PHF6: variants seen among roughly 807,000 people sequenced by gnomAD.
PHF6 encodes the protein PHD-like zinc finger protein.
A neutral mutation model predicts 34.0 loss-of-function variants in PHF6; 7 were observed. The observed-to-expected ratio is 0.21, with a 90% CI of 0.12 to 0.39. The LOEUF (loss-of-function observed/expected upper bound fraction) is 0.39. PHF6 is among the 10% of genes least tolerant of loss of function. PHF6 has a pLI of 1.00. For synonymous variants in PHF6, 89 were observed against 88.4 expected (o/e 1.01, Z -0.04); for missense variants, 128 against 262.8 (o/e 0.49, Z 3.55).
chrX:134,401,069 A>T (rs1463156614), intron 5 of PHF6, among the ~76,000 whole-genome samples: 2 of 111,698 alleles, frequency 1.8e-5, no homozygotes, highest in Middle Eastern at 4.2e-3. Flanking sequence ...CCAGAGTGTG[A>T]CATAGGGATG....
chrX:134,399,562 A>T (rs2077392759), intron 5 of PHF6, among the ~76,000 whole-genome samples: 1 of 110,127 alleles, frequency 9.1e-6, no homozygotes, highest in Non-Finnish European at 1.9e-5. Context: ...TAATTAATAG[A>T]CTTTATTTTT....
intron 3 of PHF6, among the ~76,000 whole-genome samples, chrX:134,391,269 C>T (rs1018972734): frequency 3.6e-5 from 4 of 111,421 alleles, no homozygotes; most frequent in Non-Finnish European, 5.7e-5. Flanking sequence ...CTGCTGTACC[C>T]GGACCTAAAT....
chrX:134,402,777 G>A (rs1001786599), intron 5 of PHF6, among the ~76,000 whole-genome samples: 2 of 112,154 alleles, frequency 1.8e-5, no homozygotes, highest in Non-Finnish European at 3.8e-5. Flanking sequence ...GACAGGATAT[G>A]CTCACTTTGT....
At chrX:134,393,365 C>A in intron 3 of PHF6, 136 bp from the exon 4 acceptor site, 2 of 634,446 alleles carry the variant, frequency 3.2e-6, no homozygotes, top group Non-Finnish European at 4.9e-6. Flanking sequence ...GGAGAGAAAA[C>A]AAGAAAAGTA....
At chrX:134,377,202 T>C (rs771166732) in intron 1 of PHF6, among the ~76,000 whole-genome samples, 1 of 112,158 alleles carries the variant, frequency 8.9e-6, no homozygotes, top group Non-Finnish European at 1.9e-5. Context: ...TTGATTTTTC[T>C]CAATTACTCT....
chrX:134,401,099 A>T (rs1333646702), intron 5 of PHF6, among the ~76,000 whole-genome samples: 1 of 111,618 alleles, frequency 9.0e-6, no homozygotes, highest in Non-Finnish European at 1.9e-5. Flanking sequence ...GAACCATTTT[A>T]TGTGATTATA....
intron 3 of PHF6, among the ~76,000 whole-genome samples, chrX:134,383,352 A>T (rs184130172): frequency 1.2e-4 from 13 of 111,725 alleles, no homozygotes. Context: ...CAGAGTTGAG[A>T]AATTCATCCT....
chrX:134,415,143 A>T, intron 8 of PHF6, 23 bp downstream of exon 8: 1 of 1,207,498 alleles, frequency 8.3e-7, no homozygotes, highest in Non-Finnish European at 1.1e-6. Context: ...TATATTTGTT[A>T]TGCAACATTA....
At chrX:134,412,325 C>T (rs2077454344) in intron 5 of PHF6, among the ~76,000 whole-genome samples, 1 of 111,899 alleles carries the variant, frequency 8.9e-6, no homozygotes, top group Admixed American at 9.5e-5. Flanking sequence ...TTGCAAACAA[C>T]CTAATACTTG....
intron 5 of PHF6, among the ~76,000 whole-genome samples, chrX:134,409,376 T>C: frequency 8.9e-6 from 1 of 111,957 alleles, no homozygotes; most frequent in East Asian, 2.8e-4. Flanking sequence ...TATATGTCTA[T>C]TCTTGTGCCA....
intron 3 of PHF6, among the ~76,000 whole-genome samples, chrX:134,382,386 TAACTC>T (rs1159592647): frequency 9.0e-6 from 1 of 111,043 alleles, no homozygotes; most frequent in East Asian, 2.8e-4. Flanking sequence ...TATTCTTACT[TAACTC>T]CAGTCATCTA....
rs1355908566 is a variant in PHF6 at position 134,425,813 on chromosome X, T to C, written c.*153T>C. On this transcript the variant is annotated 3_prime_UTR_variant, in exon 11 of 11. Transcript: ENST00000370803. Reference sequence around the variant, plus strand: ...GAACTGCCTAAAAATGTCTTGTTTGTTTTATGAGCCCTCACTAGAAGGCTG... The same window carrying C: ...GAACTGCCTAAAAATGTCTTGTTTGCTTTATGAGCCCTCACTAGAAGGCTG... The C allele has an allele frequency of 5.5e-6, 1 of 180,770 alleles. No individual in the cohort carries two copies. Among genetic ancestry groups the C allele is most frequent in the Non-Finnish European group, 1.0e-5 (1 of 95,685 alleles). The allele number at this position is 180,770 out of a possible 1,213,427, so 14.9% of individuals were successfully genotyped here. A position where few individuals can be genotyped will look rare whatever the true frequency, so the allele number is the denominator to read the frequency against.
chrX:134,375,800 A>G (rs981256171), intron 1 of PHF6, among the ~76,000 whole-genome samples: 2 of 112,229 alleles, frequency 1.8e-5, no homozygotes, highest in East Asian at 2.8e-4. Flanking sequence ...GGGCAGGTAT[A>G]CTCTTGATAA....
intron 3 of PHF6, among the ~76,000 whole-genome samples, chrX:134,382,724 C>T (rs2077312947): frequency 9.2e-6 from 1 of 109,185 alleles, no homozygotes; most frequent in South Asian, 4.1e-4. Flanking sequence ...CCCACCACCA[C>T]GCCCAGCTAA....
intron 3 of PHF6, among the ~76,000 whole-genome samples, chrX:134,386,438 G>A (rs181723933): frequency 4.2e-4 from 44 of 105,246 alleles, no homozygotes; most frequent in African/African-American, 1.5e-3. Context: ...TTTAGACTGA[G>A]TCTCACTCTG....
chrX:134,386,696 G>T (rs974071727), intron 3 of PHF6, among the ~76,000 whole-genome samples: 2 of 111,577 alleles, frequency 1.8e-5, no homozygotes, highest in African/African-American at 3.3e-5. Flanking sequence ...GATTACAGGC[G>T]TGAGCCACCG....
rs771759038 is a variant in PHF6, at chrX:134,388,723, TA to T, written c.241-4777del. ...GAAGTTGGCAATCTCATTTTCATTT[TA>T]CTCCCCTATAGTTACTGAGAAAGCA... is the stretch of plus-strand genomic sequence containing the variant. On this transcript the variant is annotated intron_variant, in intron 3 of 10. Coordinates refer to ENST00000370803, the MANE Select transcript of PHF6 (RefSeq NM_001015877.2). 7.1e-5 allele frequency among the ~76,000 whole-genome samples: 8 copies of T among 112,013 alleles called. No homozygotes were observed. The East Asian group carries it at 2.2e-3, about 31-fold the overall frequency.
chrX:134,392,878 C>A (rs987742984), intron 3 of PHF6, among the ~76,000 whole-genome samples: 2 of 110,110 alleles, frequency 1.8e-5, no homozygotes, highest in Non-Finnish European at 3.8e-5. Flanking sequence ...TGGCTCACTG[C>A]AGCCCCCACC....
intron 3 of PHF6, among the ~76,000 whole-genome samples, chrX:134,379,065 T>G (rs951500252): frequency 8.9e-6 from 1 of 112,567 alleles, no homozygotes; most frequent in Non-Finnish European, 1.9e-5. Context: ...CGTTTGTAGT[T>G]ACTAAATAAC....
Sources: allele counts gnomAD v4.1 joint callset (sites outside exome capture counted in the v4.1 genomes callset), GRCh38; gene constraint gnomAD v4.1.1; transcripts MANE v1.5; gene names NCBI Gene and HGNC (gene_info 2026-07-23, HGNC 2026-07-21).